SAMD3: variants seen among roughly 807,000 people sequenced by gnomAD.
The protein encoded by SAMD3 is sterile alpha motif domain containing 3, also known as sterile alpha motif domain-containing protein 3.
Under a neutral mutation model 58.5 loss-of-function variants are expected in SAMD3, and 63 were observed. The ratio of observed to expected loss-of-function variants is 1.08; its 90% CI spans 0.88 to 1.33. The LOEUF (loss-of-function observed/expected upper bound fraction) is 1.33. SAMD3 is among the 40% of genes most tolerant of loss of function. The probability of loss-of-function intolerance (pLI) is 0.00; values close to 1 mark genes in which losing one functional copy is unlikely to be tolerated. For missense variants in SAMD3, 604 were observed against 608.4 expected, an observed-to-expected ratio of 0.99 and a Z score of 0.08; for synonymous variants, 220 against 210.3, an observed-to-expected ratio of 1.05 and a Z score of -0.40.
intron 1 of SAMD3, among the ~76,000 whole-genome samples, chr6:130,337,385 C>A (rs2115019428): frequency 6.6e-6 from 1 of 152,268 alleles, no homozygotes; most frequent in South Asian, 2.1e-4. Context: ...TAAGACGTGT[C>A]ATAAAATGAG....
chr6:130,344,577 T>A (rs1157175893), intron 1 of SAMD3, among the ~76,000 whole-genome samples: 1 of 152,066 alleles, frequency 6.6e-6, no homozygotes, highest in African/African-American at 2.4e-5. Flanking sequence ...AGATGGGGAT[T>A]CGCCATGTTG....
chr6:130,339,203 C>T (rs1777192895), intron 1 of SAMD3, among the ~76,000 whole-genome samples: 1 of 152,184 alleles, frequency 6.6e-6, no homozygotes, highest in African/African-American at 2.4e-5. Context: ...CCTGCCACCA[C>T]GCCCGGCTAA....
chr6:130,235,943 T>C (rs935951233), intron 2 of SAMD3, among the ~76,000 whole-genome samples: 2 of 152,218 alleles, frequency 1.3e-5, no homozygotes, highest in Non-Finnish European at 2.9e-5. Context: ...TGTAGAGATG[T>C]AGAAAAACAA....
At chr6:130,310,451 T>C (rs1583083953) in intron 2 of SAMD3, among the ~76,000 whole-genome samples, 1 of 152,230 alleles carries the variant, frequency 6.6e-6, no homozygotes, top group Admixed American at 6.5e-5. Flanking sequence ...AAATACTTTT[T>C]GGTTAAAGAA....
chr6:130,254,481 C>T (rs894587333), intron 2 of SAMD3, among the ~76,000 whole-genome samples: 3 of 152,012 alleles, frequency 2.0e-5, no homozygotes, highest in African/African-American at 7.2e-5. Flanking sequence ...CAGGCATGAG[C>T]CACCGAGTCC....
chr6:130,326,366 C>CCT (rs1444494681), intron 1 of SAMD3, among the ~76,000 whole-genome samples: 10 of 113,264 alleles, frequency 8.8e-5, no homozygotes, highest in African/African-American at 3.8e-4. Context: ...AATGCCTGGT[C>CCT]ATTTTTTTTT....
Position 130,251,449 on chromosome 6 carries a change from AT to A in SAMD3, c.-187-28637del, listed in dbSNP as rs562720446. On this transcript the variant is annotated intron_variant, in intron 2 of 13. Coordinates refer to the SAMD3 transcript ENST00000368134. ...TTTTTGGTGTCATATTGAAGAAACC[AT>A]TGAATAATGCAAGGACACAAATTTT... Among the ~76,000 whole-genome samples the A allele has an allele frequency of 1.5e-4, 23 of 152,248 alleles. No individual in the cohort carries two copies. The South Asian group carries it at 4.8e-3, about 32-fold the overall frequency.
In SAMD3 at chr6:130,182,419, C is replaced by T. The variant is rs78310768; in HGVS notation, c.654+1684G>A. 6.0e-3 allele frequency among the ~76,000 whole-genome samples: 913 copies of T among 152,142 alleles called. 11 individuals are homozygous for T. The highest frequency in any genetic ancestry group is 0.019 in the African/African-American group (781 of 41,512). ...TCCAGACATGGTATACAACATCTTT[C>T]CTCAGTCTGAGTGGTGAAAAAAACC... On this transcript the variant is annotated intron_variant, in intron 7 of 11. Transcript: ENST00000439090.
intron 1 of SAMD3, among the ~76,000 whole-genome samples, chr6:130,346,067 T>C (rs1054185062): frequency 3.3e-5 from 5 of 152,202 alleles, no homozygotes; most frequent in Non-Finnish European, 7.3e-5. Context: ...AAAAACTTGA[T>C]TAAAAATTAA....
chr6:130,216,530 A>G (rs1423033279), intron 2 of SAMD3, 41 bp downstream of exon 2: 2 of 152,196 alleles, frequency 1.3e-5, no homozygotes, highest in African/African-American at 4.8e-5. Flanking sequence ...ACAATTACCA[A>G]CATCATAGTT....
In SAMD3 at chr6:130,348,817, C is replaced by T. The variant is rs1001199835; in HGVS notation, c.-304+16303G>A. On this transcript the variant is annotated intron_variant, in intron 1 of 13. Transcript: ENST00000368134. ...ACCACACCTATTCCAAAATTGACCA[C>T]ATAGTTGGAAGTAAAGCACTCCTCA... 1.1e-4 allele frequency among the ~76,000 whole-genome samples: 17 copies of T among 152,238 alleles called. No homozygotes were observed. The East Asian group carries it at 1.5e-3, about 14-fold the overall frequency.
chr6:130,360,000 A>C (rs1198985297), intron 1 of SAMD3, among the ~76,000 whole-genome samples: 1 of 152,232 alleles, frequency 6.6e-6, no homozygotes, highest in Non-Finnish European at 1.5e-5. Context: ...TGTGATCTTA[A>C]GCTGGGCACT....
rs536133905 is a variant in SAMD3, at chr6:130,298,335, C to T, written c.-188+14643G>A. On this transcript the variant is annotated intron_variant, in intron 2 of 13. Coordinates refer to the SAMD3 transcript ENST00000368134. ...GTCATTCCCAGAGAAGCAAATGCTA[C>T]GGGAATTTGTCATTACCAGATCAGT... Among the ~76,000 whole-genome samples the T allele has an allele frequency of 2.2e-4, 34 of 152,076 alleles. 1 individual carries two copies. The highest frequency in any genetic ancestry group is 1.9e-3 in the South Asian group (9 of 4,816).
chr6:130,353,438 T>C (rs1364714117), intron 1 of SAMD3, among the ~76,000 whole-genome samples: 1 of 152,224 alleles, frequency 6.6e-6, no homozygotes. Flanking sequence ...TATTTTATAT[T>C]TTGAAATGGG....
chr6:130,344,146 C>T (rs1777369091), intron 1 of SAMD3, among the ~76,000 whole-genome samples: 1 of 152,162 alleles, frequency 6.6e-6, no homozygotes, highest in African/African-American at 2.4e-5. Context: ...CAAACGTTCA[C>T]TGCAGAAAAT....
chr6:130,341,464 C>T (rs1012837611), intron 1 of SAMD3, among the ~76,000 whole-genome samples: 1 of 152,156 alleles, frequency 6.6e-6, no homozygotes, highest in East Asian at 1.9e-4. Flanking sequence ...ACTTAACTTG[C>T]CTCAAAATTA....
At chr6:130,152,431 C>G (rs917052978) in intron 9 of SAMD3, among the ~76,000 whole-genome samples, 1 of 152,104 alleles carries the variant, frequency 6.6e-6, no homozygotes, top group African/African-American at 2.4e-5. Flanking sequence ...AATCCCAGCA[C>G]TTTGGGAGGC....
intron 2 of SAMD3, among the ~76,000 whole-genome samples, chr6:130,251,184 T>C (rs1562481248): frequency 2.0e-5 from 3 of 152,196 alleles, no homozygotes; most frequent in Non-Finnish European, 2.9e-5. Context: ...CCATTATGGA[T>C]AGAGACACAT....
At chr6:130,315,991 A>T (rs1325781053) in intron 1 of SAMD3, among the ~76,000 whole-genome samples, 1 of 152,154 alleles carries the variant, frequency 6.6e-6, no homozygotes, top group Admixed American at 6.6e-5. Flanking sequence ...AAAGAGACTA[A>T]AAGAATGGGA....
Sources: gnomAD v4.1 joint callset for allele counts (sites outside exome capture counted in the v4.1 genomes callset) on GRCh38, gnomAD v4.1.1 for gene constraint, MANE v1.5 for transcripts, NCBI Gene and HGNC (gene_info 2026-07-23, HGNC 2026-07-21) for gene names.